Variants in DIP2A observed in about 807,000 individuals in gnomAD.
DIP2A encodes disco-interacting protein 2 homolog A.
Under a neutral mutation model 177.4 loss-of-function variants are expected in DIP2A, and 85 were observed. The observed-to-expected ratio is 0.48, with a 90% CI of 0.40 to 0.57. The LOEUF is 0.57. Among genes scored for constraint, DIP2A ranks in the 20% least tolerant of loss-of-function variants. The probability of loss-of-function intolerance (pLI) is 0.00; values close to 1 mark genes in which losing one functional copy is unlikely to be tolerated. For synonymous variants in DIP2A, 886 were observed against 881.8 expected (o/e 1.00, Z -0.08); for missense variants, 1,791 against 2,100.2 (o/e 0.85, Z 2.88).
At chr21:46,552,920 G>GTATCAATA (rs1279454365) in intron 25 of DIP2A, 1 of 152,280 alleles carries the variant, frequency 6.6e-6, no homozygotes, top group East Asian at 1.9e-4. Context: ...TCAATACAGT[G>GTATCAATA]GAGTGATGTA....
At chr21:46,483,832 A>G (rs2056514032) in intron 1 of DIP2A, among the ~76,000 whole-genome samples, 2 of 152,224 alleles carry the variant, frequency 1.3e-5, no homozygotes, top group African/African-American at 4.8e-5. Flanking sequence ...TACCATGTTC[A>G]CCCAGAGGAC....
intron 1 of DIP2A, among the ~76,000 whole-genome samples, chr21:46,478,975 A>G (rs1367472916): frequency 6.6e-6 from 1 of 152,186 alleles, no homozygotes; most frequent in Non-Finnish European, 1.5e-5. Context: ...TGGTAGGTAG[A>G]TAGGTTGGGA....
chr21:46,574,273 A>C (rs1432386404), downstream of DIP2A, among the ~76,000 whole-genome samples: 3 of 152,286 alleles, frequency 2.0e-5, no homozygotes, highest in East Asian at 3.8e-4. Context: ...ATAACAAGAA[A>C]AATTAGAAAA....
Position 46,541,769 on chromosome 21 carries a change from G to A in DIP2A, c.2050G>A (p.Gly684Arg), listed in dbSNP as rs766185373. 2.5e-6 allele frequency: 4 copies of A among 1,613,896 alleles called. No individual in the cohort carries two copies. The highest frequency in any genetic ancestry group is 2.2e-5 in the South Asian group (2 of 91,080). Reference sequence around the variant, plus strand: ...TTTATTTTCTAGGCCACCTGATCTGGGAGGACCACCTCCAAGAAAAGCAGT... The same window carrying A: ...TTTATTTTCTAGGCCACCTGATCTGAGAGGACCACCTCCAAGAAAAGCAGT... ...TVAIRRPPDL[G>R]GPPPRKAVLS... Residue 684 changes from glycine (G) to arginine (R), a missense_variant, in exon 18 of 38, where the codon GGA becomes AGA. Transcript: ENST00000417564.
chr21:46,510,910 G>A (rs1183785989), intron 7 of DIP2A, among the ~76,000 whole-genome samples: 1 of 152,140 alleles, frequency 6.6e-6, no homozygotes, highest in Non-Finnish European at 1.5e-5. Context: ...TGGGATTACA[G>A]GCATGAGCCA....
chr21:46,473,911 A>G lies in DIP2A; in HGVS notation c.92-10846A>G, dbSNP rs143707972. The stretch of plus-strand genomic sequence containing the variant: ...TTTTTAAAAAATGTATTAACAAAAC[A>G]TTTCTGCATAATCTCTTTTGTCTCT... On this transcript the variant is annotated intron_variant, in intron 1 of 37. Transcript: ENST00000417564. Among the ~76,000 whole-genome samples, 3 of 152,286 alleles carry G rather than the reference A, an allele frequency of 2.0e-5. No homozygotes were observed. The East Asian group carries it at 5.8e-4, about 29-fold the overall frequency.
intron 1 of DIP2A, among the ~76,000 whole-genome samples, chr21:46,465,673 C>T (rs892738479): frequency 1.3e-5 from 2 of 152,074 alleles, no homozygotes; most frequent in Admixed American, 6.6e-5. Flanking sequence ...TTATTCGCTA[C>T]CTCTCCACTT....
At chr21:46,465,800 A>G (rs2054770052) in intron 1 of DIP2A, among the ~76,000 whole-genome samples, 1 of 152,228 alleles carries the variant, frequency 6.6e-6, no homozygotes, top group African/African-American at 2.4e-5. Flanking sequence ...GAAGTACATG[A>G]ATTGCTTTTG....
At chr21:46,545,821 C>G in intron 19 of DIP2A, 60 bp from the exon 20 acceptor site, 1 of 1,588,160 alleles carries the variant, frequency 6.3e-7, no homozygotes, top group Non-Finnish European at 8.6e-7. Context: ...CCTGCTGGGT[C>G]TTTTTGGCCA....
chr21:46,579,340 T>A, the DIP2A span, among the ~76,000 whole-genome samples: 1 of 152,294 alleles, frequency 6.6e-6, no homozygotes. Context: ...ATTTGATTCT[T>A]TTCACTTTTC....
intron 21 of DIP2A, among the ~76,000 whole-genome samples, chr21:46,548,318 G>A (rs1314384420): frequency 6.6e-6 from 1 of 152,132 alleles, no homozygotes; most frequent in Admixed American, 6.5e-5. Context: ...TAACATCAAG[G>A]TAGCCCAAAC....
At chr21:46,513,347 A>G (rs2058398751) in intron 8 of DIP2A, among the ~76,000 whole-genome samples, 1 of 152,162 alleles carries the variant, frequency 6.6e-6, no homozygotes, top group Non-Finnish European at 1.5e-5. Context: ...AGTATCATTT[A>G]TTGAAAAGGC....
chr21:46,508,083 G>C (rs1413290411), intron 6 of DIP2A, among the ~76,000 whole-genome samples: 2 of 151,190 alleles, frequency 1.3e-5, no homozygotes, highest in Non-Finnish European at 2.9e-5. Flanking sequence ...GCCCAGGCTG[G>C]AGTTCACTGA....
At chr21:46,550,411 C>A in intron 22 of DIP2A, 132 bp from the exon 23 acceptor site, 2 of 813,762 alleles carry the variant, frequency 2.5e-6, no homozygotes, top group Admixed American at 2.8e-5. Context: ...CCTCATTTAA[C>A]AAAGTGTCCA....
Position 46,551,692 on chromosome 21 carries a change from G to A in DIP2A, c.2898G>A (p.Gln966=), listed in dbSNP as rs1191025129. 6.2e-7 allele frequency: 1 copy of A among 1,613,886 alleles called. No homozygotes were observed. Among genetic ancestry groups the A allele is most frequent in the Admixed American group, 1.7e-5 (1 of 60,012 alleles). ...TGGTTGCTGGGAAGAGAATCGCTCA[G>A]GCTTCCGGGAGAGAGCTCGCCCACC... The part of the protein sequence containing the change: ...GNLVAGKRIA[Q]ASGRELAHLE... Residue 966 remains glutamine, a synonymous_variant, in exon 24 of 38, where the codon CAG becomes CAA. Coordinates refer to ENST00000417564, the MANE Select transcript of DIP2A (RefSeq NM_015151.4).
rs377299390 is a variant in DIP2A at position 46,534,704 on chromosome 21, G to A, written c.1642+17G>A. On this transcript the variant is annotated intron_variant, in intron 13 of 37. Transcript: ENST00000417564. ...ACTCAGAAGGTAAGGGCTCTCGGGG[G>A]TGGGGCGGTGGCCCCTCCAGCCTCA... 2.2e-5 allele frequency: 35 copies of A among 1,596,404 alleles called. No individual in the cohort carries two copies. The highest frequency in any genetic ancestry group is 2.7e-5 in the Non-Finnish European group (32 of 1,175,032).
chr21:46,499,299 A>G (rs1406554663), intron 5 of DIP2A, among the ~76,000 whole-genome samples: 1 of 152,166 alleles, frequency 6.6e-6, no homozygotes, highest in Admixed American at 6.5e-5. Context: ...TCAGTGTCAT[A>G]ACACCTTCCT....
intron 2 of DIP2A, among the ~76,000 whole-genome samples, chr21:46,486,787 AC>A (rs2056726269): frequency 6.6e-6 from 1 of 152,018 alleles, no homozygotes; most frequent in Admixed American, 6.6e-5. Flanking sequence ...CCCTAGAGAA[AC>A]TCCTATTTGT....
rs1022914820 is a variant in DIP2A at position 46,568,854 on chromosome 21, C to G, written c.*1232C>G. The G allele has an allele frequency of 6.6e-6, 1 of 152,198 alleles. No homozygotes were observed. Among genetic ancestry groups the G allele is most frequent in the Non-Finnish European group, 1.5e-5 (1 of 68,048 alleles). The allele number at this position is 152,198 out of a possible 1,614,324, so 9.4% of individuals were successfully genotyped here. ...CAGTACAGTTGAGGGGAGCAGGGAACAGCATTGCCCCGTATTGAAGGTGGA... is the reference window on the plus strand; with the variant it reads ...CAGTACAGTTGAGGGGAGCAGGGAAGAGCATTGCCCCGTATTGAAGGTGGA... On this transcript the variant is annotated 3_prime_UTR_variant, in exon 38 of 38. Coordinates refer to ENST00000417564, the MANE Select transcript of DIP2A (RefSeq NM_015151.4).
Sources: allele counts gnomAD v4.1 joint callset (sites outside exome capture counted in the v4.1 genomes callset), GRCh38; gene constraint gnomAD v4.1.1; transcripts MANE v1.5; gene names NCBI Gene and HGNC (gene_info 2026-07-23, HGNC 2026-07-21).